FFAR4: variants seen among roughly 807,000 people sequenced by gnomAD.
FFAR4 encodes G-protein coupled receptor 120.
Under a neutral mutation model 27.0 loss-of-function variants are expected in FFAR4, and 19 were observed. The ratio of observed to expected loss-of-function variants is 0.70; its 90% CI spans 0.49 to 1.03. FFAR4 has a LOEUF of 1.03. Among genes scored for constraint, FFAR4 ranks in the 50% least tolerant of loss-of-function variants. The pLI, the probability that FFAR4 is intolerant of heterozygous loss-of-function variation, is 0.00. For missense variants in FFAR4, 476 were observed against 479.0 expected (o/e 0.99, Z 0.06); for synonymous variants, 254 against 215.6 (o/e 1.18, Z -1.56).
Position 93,566,751 on chromosome 10 carries a change from G to A in FFAR4, c.31G>A (p.Asp11Asn). 6.2e-7 allele frequency: 1 copy of A among 1,603,178 alleles called. No homozygotes were observed. Among genetic ancestry groups the A allele is most frequent in the Non-Finnish European group, 8.5e-7 (1 of 1,177,486 alleles). The change falls in exon 1 of 3, where the codon GAC becomes AAC. Residue 11 changes from aspartate to asparagine, a missense_variant. Coordinates refer to ENST00000371481, the MANE Select transcript of FFAR4 (RefSeq NM_001195755.2). The part of the protein sequence containing the change: MSPECARAAG[D>N]APLRSLEQAN... ...CCCTGAATGCGCGCGGGCAGCGGGC[G>A]ACGCGCCCTTGCGCAGCCTGGAGCA...
intron 2 of FFAR4, among the ~76,000 whole-genome samples, chr10:93,583,874 T>C (rs1020804285): frequency 6.6e-6 from 1 of 152,228 alleles, no homozygotes; most frequent in African/African-American, 2.4e-5. Context: ...TTCATCAACA[T>C]CACTCATCAA....
At chr10:93,585,683 C>T (rs547687173) in intron 2 of FFAR4, among the ~76,000 whole-genome samples, 132 of 152,278 alleles carry the variant, frequency 8.7e-4, no homozygotes, top group African/African-American at 3.1e-3. Context: ...GAGGTGGTTG[C>T]CCCCTTCTGT....
At chr10:93,573,691 G>A (rs547424450) in intron 1 of FFAR4, among the ~76,000 whole-genome samples, 2 of 152,270 alleles carry the variant, frequency 1.3e-5, no homozygotes, top group South Asian at 4.2e-4. Flanking sequence ...GTTCATGTGT[G>A]GGGGTGCCAG....
At chr10:93,574,703 A>G (rs559170274) in intron 1 of FFAR4, among the ~76,000 whole-genome samples, 1 of 151,920 alleles carries the variant, frequency 6.6e-6, no homozygotes, top group South Asian at 2.1e-4. Flanking sequence ...TCTGGCTAAC[A>G]TGGTGAAACC....
At position 93,566,855 on chromosome 10, in the gene FFAR4, C is replaced by T. The variant is rs779501631; in HGVS notation, c.135C>T (p.Thr45=). ...HRLVLAAVET[T]VLVLIFAVSL... is the part of the protein sequence containing the mutation. ...TGGTGCTGGCCGCGGTGGAGACAAC[C>T]GTGCTGGTGCTCATCTTTGCAGTGT... Residue 45 remains threonine (T), a synonymous_variant, in exon 1 of 3, where the codon ACC becomes ACT. Coordinates refer to ENST00000371481, the MANE Select transcript of FFAR4 (RefSeq NM_001195755.2). 5 of 1,600,244 alleles carry T rather than the reference C, an allele frequency of 3.1e-6. No individual in the cohort carries two copies. The South Asian group carries it at 4.5e-5, about 14-fold the overall frequency.
At position 93,567,173 on chromosome 10, in the gene FFAR4, G is replaced by A. The variant is rs1019275294; in HGVS notation, c.453G>A (p.Gly151=). The A allele has an allele frequency of 8.1e-6, 13 of 1,603,716 alleles. No homozygotes were observed. The highest frequency in any genetic ancestry group is 1.1e-5 in the Non-Finnish European group (13 of 1,178,824). ...TGCAGCGCGGCGTGCGGGGTCCTGG[G>A]CGGCGGGCGCGGGCAGTGCTGCTGG... ...VHLQRGVRGP[G]RRARAVLLAL... Residue 151 remains glycine (G), a synonymous_variant, in exon 1 of 3, where the codon GGG becomes GGA. Transcript: ENST00000371481.
intron 2 of FFAR4, among the ~76,000 whole-genome samples, chr10:93,578,234 T>C (rs762904765): frequency 4.6e-5 from 7 of 151,412 alleles, no homozygotes; most frequent in Non-Finnish European, 1.0e-4. Flanking sequence ...CTCGCCAACA[T>C]GGTGAAAGCC....
Position 93,567,153 on chromosome 10 carries a change from C to A in FFAR4, c.433C>A (p.Arg145Ser). 6.2e-7 allele frequency: 1 copy of A among 1,605,402 alleles called. No individual in the cohort carries two copies. The highest frequency in any genetic ancestry group is 8.5e-7 in the Non-Finnish European group (1 of 1,178,428). ...ERMVCIVHLQ[R>S]GVRGPGRRAR... Reference sequence around the variant, plus strand: ...CATGGTGTGCATCGTGCACCTGCAGCGCGGCGTGCGGGGTCCTGGGCGGCG... The same window carrying A: ...CATGGTGTGCATCGTGCACCTGCAGAGCGGCGTGCGGGGTCCTGGGCGGCG... The change falls in exon 1 of 3, where the codon CGC (arginine) becomes AGC (serine). Residue 145 changes from arginine to serine, a missense_variant. Coordinates refer to ENST00000371481, the MANE Select transcript of FFAR4 (RefSeq NM_001195755.2).
chr10:93,581,792 T>G (rs925961852), intron 2 of FFAR4, among the ~76,000 whole-genome samples: 1 of 152,114 alleles, frequency 6.6e-6, no homozygotes, highest in Non-Finnish European at 1.5e-5. Flanking sequence ...CCCCAGCATT[T>G]GCATGTCATC....
intron 2 of FFAR4, among the ~76,000 whole-genome samples, chr10:93,577,989 G>A (rs1235458706): frequency 6.6e-6 from 1 of 152,162 alleles, no homozygotes; most frequent in Non-Finnish European, 1.5e-5. Context: ...AAGGGGAAGA[G>A]GGAGGAGACA....
At chr10:93,586,389 T>C (rs978499751) in intron 2 of FFAR4, among the ~76,000 whole-genome samples, 1 of 152,190 alleles carries the variant, frequency 6.6e-6, no homozygotes, top group Non-Finnish European at 1.5e-5. Flanking sequence ...CGCAGAACTA[T>C]GAGTCAATTA....
chr10:93,570,854 G>A (rs1564781707), intron 1 of FFAR4, among the ~76,000 whole-genome samples: 1 of 151,984 alleles, frequency 6.6e-6, no homozygotes, highest in Non-Finnish European at 1.5e-5. Context: ...TCTGCCATTC[G>A]GGAGCTTCAT....
Position 93,566,867 on chromosome 10 carries a change from C to T in FFAR4, c.147C>T (p.Leu49=), listed in dbSNP as rs1356598618. 6.2e-7 allele frequency: 1 copy of T among 1,602,498 alleles called. No individual in the cohort carries two copies. Among genetic ancestry groups the T allele is most frequent in the South Asian group, 1.1e-5 (1 of 89,746 alleles). Residue 49 remains leucine, a synonymous_variant, in exon 1 of 3, where the codon CTC becomes CTT. Coordinates refer to ENST00000371481, the MANE Select transcript of FFAR4 (RefSeq NM_001195755.2). ...LAAVETTVLV[L]IFAVSLLGNV... ...CGGTGGAGACAACCGTGCTGGTGCT[C>T]ATCTTTGCAGTGTCGCTGCTGGGCA...
At chr10:93,572,465 G>A (rs573085868) in intron 1 of FFAR4, among the ~76,000 whole-genome samples, 9 of 152,350 alleles carry the variant, frequency 5.9e-5, no homozygotes, top group East Asian at 3.9e-4. Flanking sequence ...TGCTGGAAGC[G>A]TTGGCAGAGG....
At chr10:93,575,626 AGCTTACACAGTT>A (rs1174963552) in intron 1 of FFAR4, among the ~76,000 whole-genome samples, 4 of 152,202 alleles carry the variant, frequency 2.6e-5, no homozygotes, top group Non-Finnish European at 4.4e-5. Flanking sequence ...TGTGTCCTTC[AGCTTACACAGTT>A]GTGACTACAG....
chr10:93,567,021 A>C lies in FFAR4; in HGVS notation c.301A>C (p.Thr101Pro). 1 of 1,611,742 alleles carries C rather than the reference A, an allele frequency of 6.2e-7. No homozygotes were observed. The highest frequency in any genetic ancestry group is 8.5e-7 in the Non-Finnish European group (1 of 1,179,834). The change falls in exon 1 of 3, where the codon ACT becomes CCT. Residue 101 changes from threonine (T) to proline (P), a missense_variant. By Grantham distance (38) the Thr-to-Pro change is conservative (BLOSUM62 -1). Coordinates refer to ENST00000371481, the MANE Select transcript of FFAR4 (RefSeq NM_001195755.2). ...AIPLVLAVRW[T>P]EAWLLGPVAC... Reference sequence around the variant, plus strand: ...CCCTCTGGTGCTGGCCGTGCGCTGGACTGAGGCCTGGCTGCTGGGCCCCGT... The same window carrying C: ...CCCTCTGGTGCTGGCCGTGCGCTGGCCTGAGGCCTGGCTGCTGGGCCCCGT...
At chr10:93,586,623 T>C (rs111668495) in intron 2 of FFAR4, among the ~76,000 whole-genome samples, 2,196 of 152,282 alleles carry the variant, frequency 0.014, 57 homozygotes, top group African/African-American at 0.049. Context: ...TGTGCAGATA[T>C]GGCCCGAGCA....
In FFAR4 at chr10:93,587,838, CAG is replaced by C; in HGVS notation, c.*230_*231del. 1 of 443,376 alleles carries C rather than the reference CAG, an allele frequency of 2.3e-6. No homozygotes were observed. The highest frequency in any genetic ancestry group is 4.1e-6 in the Non-Finnish European group (1 of 246,332). The allele number at this position is 443,376 out of a possible 1,614,324, so 27.5% of individuals were successfully genotyped here. On this transcript the variant is annotated 3_prime_UTR_variant, in exon 3 of 3. Transcript: ENST00000371481. Reference sequence around the variant, plus strand: ...CAGTGGTTCATGCCTGTAATCCCAGCAGTTTGGGAGGCTGAGGTGGGTGGATC... The same window carrying C: ...CAGTGGTTCATGCCTGTAATCCCAGCTTTGGGAGGCTGAGGTGGGTGGATC...
Position 93,589,500 on chromosome 10 carries a change from G to A in FFAR4, c.*1891G>A, listed in dbSNP as rs1452655373. ...ATGGGAAGGATGGAATTGATAGAATGTGAGGGAAAGGGAGAACTCAAGGGG... is the reference window on the plus strand; with the variant it reads ...ATGGGAAGGATGGAATTGATAGAATATGAGGGAAAGGGAGAACTCAAGGGG... On this transcript the variant is annotated 3_prime_UTR_variant, in exon 3 of 3. Coordinates refer to ENST00000371481, the MANE Select transcript of FFAR4 (RefSeq NM_001195755.2). The A allele has an allele frequency of 6.6e-6, 1 of 151,578 alleles. No individual in the cohort carries two copies. The highest frequency in any genetic ancestry group is 1.5e-5 in the Non-Finnish European group (1 of 67,984). 9.4% of individuals were successfully genotyped at this position (151,578 alleles called of 1,614,324 possible).
Sources: gnomAD v4.1 joint callset for allele counts (sites outside exome capture counted in the v4.1 genomes callset) on GRCh38, gnomAD v4.1.1 for gene constraint, MANE v1.5 for transcripts, NCBI Gene and HGNC (gene_info 2026-07-23, HGNC 2026-07-21) for gene names.